CHD9: variants seen among roughly 807,000 people sequenced by gnomAD.
CHD9 encodes chromodomain helicase DNA binding protein 9.
CHD9 carries 77 observed loss-of-function variants against 316.1 expected under a neutral mutation model. That is an observed-to-expected ratio of 0.24 (90% CI 0.20 to 0.29). The LOEUF (loss-of-function observed/expected upper bound fraction) is 0.29, where lower values mean the gene tolerates loss of function less well. Among genes scored for constraint, CHD9 ranks in the 10% least tolerant of loss-of-function variants. The pLI is 1.00. For synonymous variants in CHD9, 1,129 were observed against 1,158.3 expected (o/e 0.97, Z 0.51); for missense variants, 2,763 against 3,438.1 (o/e 0.80, Z 4.91).
At chr16:53,147,210 A>G (rs2040705380) in intron 1 of CHD9, among the ~76,000 whole-genome samples, 1 of 152,176 alleles carries the variant, frequency 6.6e-6, no homozygotes, top group South Asian at 2.1e-4. Context: ...GACATTTTAG[A>G]AAGGGCAATC....
At chr16:53,314,615 T>C (rs1006941058) in intron 35 of CHD9, 99 bp downstream of exon 35, 1 of 1,077,706 alleles carries the variant, frequency 9.3e-7, no homozygotes, top group African/African-American at 1.6e-5. Context: ...AGACTATTAG[T>C]AAGGAAATTA....
chr16:53,314,588 T>C, intron 35 of CHD9, 72 bp downstream of exon 35: 1 of 1,263,508 alleles, frequency 7.9e-7, no homozygotes. Context: ...CATATTATTG[T>C]TTTGTGAATG....
In CHD9 at chr16:53,105,994, T is replaced by C. The variant is rs541930615; in HGVS notation, c.-164-49932T>C. Among the ~76,000 whole-genome samples the C allele has an allele frequency of 5.3e-4, 80 of 152,210 alleles. 2 individuals are homozygous for C. The highest frequency in any genetic ancestry group is 4.8e-3 in the Admixed American group (73 of 15,276). On this transcript the variant is annotated intron_variant, in intron 1 of 38. Coordinates refer to ENST00000447540, the MANE Select transcript of CHD9 (RefSeq NM_001308319.2). ...CCTGCCACTATGCCTGGCTAATTTT[T>C]TGTATCTTTAGTAGAGATGGGGTTT...
rs993799899 is a variant in CHD9, at chr16:53,314,034, TA to T, written c.7223-336del. On this transcript the variant is annotated intron_variant, in intron 34 of 38. Transcript: ENST00000447540. The stretch of plus-strand genomic sequence containing the variant: ...AAAAGCAGAGATAAATGATTTTTTT[TA>T]AAAAAACAAGCTTTTGAAAGTATAG... Among the ~76,000 whole-genome samples, 11 of 152,068 alleles carry T rather than the reference TA, an allele frequency of 7.2e-5. No homozygotes were observed. In the South Asian group the frequency reaches 1.2e-3, roughly 17 times the overall value.
At position 53,255,533 on chromosome 16, in the gene CHD9, T is replaced by C. The variant is rs2050516510; in HGVS notation, c.4030-67T>C. The C allele has an allele frequency of 7.0e-6, 10 of 1,428,302 alleles. No individual in the cohort carries two copies. In the Admixed American group the frequency reaches 7.9e-5, roughly 11 times the overall value. 88.5% of individuals were successfully genotyped at this position (1,428,302 alleles called of 1,614,324 possible). A position where few individuals can be genotyped will look rare whatever the true frequency, so the allele number is the denominator to read the frequency against. ...GCCTCTTGTGTTCTTTGACATCCTTTAGGGATACTTTCTCACTTTATGAAC... is the reference window on the plus strand; with the variant it reads ...GCCTCTTGTGTTCTTTGACATCCTTCAGGGATACTTTCTCACTTTATGAAC... On this transcript the variant is annotated intron_variant, in intron 18 of 38. Coordinates refer to ENST00000447540, the MANE Select transcript of CHD9 (RefSeq NM_001308319.2).
chr16:53,250,678 C>T (rs1045039959), intron 17 of CHD9: 12 of 151,632 alleles, frequency 7.9e-5, no homozygotes, highest in African/African-American at 2.7e-4. Flanking sequence ...TATACTTGGA[C>T]TACATAGAAA....
chr16:53,158,493 T>G (rs1285975319), intron 2 of CHD9, among the ~76,000 whole-genome samples: 1 of 152,214 alleles, frequency 6.6e-6, no homozygotes, highest in Non-Finnish European at 1.5e-5. Context: ...AGTAGTTGGG[T>G]GACTTTGACT....
rs1263807059 is a variant in CHD9 at position 53,324,756 on chromosome 16, A to G, written c.8555A>G (p.Gln2852Arg). 1 of 1,613,430 alleles carries G rather than the reference A, an allele frequency of 6.2e-7. No individual in the cohort carries two copies. Among genetic ancestry groups the G allele is most frequent in the East Asian group, 2.2e-5 (1 of 44,852 alleles). ...VKEEDSRIKDQEDKGGTEPSP... is the reference protein window; with the variant it reads ...VKEEDSRIKDREDKGGTEPSP... ...GAAGAAGATTCCAGAATTAAAGATC[A>G]GGAAGACAAAGGAGGAACTGAACCA... The change falls in exon 39 of 39, where the codon CAG becomes CGG. Residue 2852 changes from glutamine to arginine, a missense_variant. Physicochemically the swap from Gln to Arg is conservative, Grantham distance 43 (BLOSUM62 1). This residue lies in a region of CHD9 where 298 missense variants were observed against 380.2 expected (regional missense o/e 0.78). Coordinates refer to ENST00000447540, the MANE Select transcript of CHD9 (RefSeq NM_001308319.2).
chr16:53,144,557 C>G (rs1484604197), intron 1 of CHD9, among the ~76,000 whole-genome samples: 1 of 148,662 alleles, frequency 6.7e-6, no homozygotes, highest in Non-Finnish European at 1.5e-5. Context: ...GAGATGGAGT[C>G]TGGCTCTGTT....
intron 1 of CHD9, among the ~76,000 whole-genome samples, chr16:53,062,836 G>T (rs1192049900): frequency 6.6e-6 from 1 of 152,120 alleles, no homozygotes; most frequent in African/African-American, 2.4e-5. Context: ...ATTGAAACCA[G>T]CCTGACCAAC....
At chr16:53,256,358 C>CCTTTATAT (rs2050589831) in intron 19 of CHD9, among the ~76,000 whole-genome samples, 1 of 148,330 alleles carries the variant, frequency 6.7e-6, no homozygotes, top group African/African-American at 2.5e-5. Context: ...TTACTAATTG[C>CCTTTATAT]CTTTATATTC....
intron 2 of CHD9, among the ~76,000 whole-genome samples, chr16:53,182,551 G>A (rs979068274): frequency 3.9e-5 from 6 of 151,990 alleles, no homozygotes; most frequent in Admixed American, 1.3e-4. Context: ...TCTTGATCTG[G>A]GTCATTTGAT....
chr16:53,253,517 A>T (rs2050303252), intron 17 of CHD9, among the ~76,000 whole-genome samples: 1 of 152,184 alleles, frequency 6.6e-6, no homozygotes, highest in Non-Finnish European at 1.5e-5. Context: ...TGATGGTTGC[A>T]CCAAAATCTC....
At position 53,285,600 on chromosome 16, in the gene CHD9, A is replaced by T; in HGVS notation, c.4972A>T (p.Ile1658Phe). Reference sequence around the variant, plus strand: ...CATATTATGATTTTTTTAAAGTGACATTGATGTTTGGGTACCAGAACCAGA... The same window carrying T: ...CATATTATGATTTTTTTAAAGTGACTTTGATGTTTGGGTACCAGAACCAGA... ...KVFDGVDASDIDVWVPEPDHS... is the reference protein window; with the variant it reads ...KVFDGVDASDFDVWVPEPDHS... The change falls in exon 25 of 39, where the codon ATT becomes TTT. Residue 1658 changes from isoleucine to phenylalanine, a missense_variant. This residue lies in a region of CHD9 where 40 missense variants were observed against 39.5 expected (regional missense o/e 1.01). Transcript: ENST00000447540. 1 of 1,592,584 alleles carries T rather than the reference A, an allele frequency of 6.3e-7. No homozygotes were observed. Among genetic ancestry groups the T allele is most frequent in the Non-Finnish European group, 8.6e-7 (1 of 1,167,636 alleles).
Position 53,222,711 on chromosome 16 carries a change from G to A in CHD9, c.1852G>A (p.Ala618Thr). 2 of 1,580,226 alleles carry A rather than the reference G, an allele frequency of 1.3e-6. No individual in the cohort carries two copies. The highest frequency in any genetic ancestry group is 1.7e-6 in the Non-Finnish European group (2 of 1,158,594). ...KNESSDEISD[A>T]EQMPQHTLKD... ...TGAGTCTTCAGATGAAATATCTGATGCAGAACAGATGCCACAGCATACATT... is the reference window on the plus strand; with the variant it reads ...TGAGTCTTCAGATGAAATATCTGATACAGAACAGATGCCACAGCATACATT... The change falls in exon 4 of 39, where the codon GCA (alanine) becomes ACA (threonine). Residue 618 changes from alanine to threonine, a missense_variant. Ala to Thr is a moderately conservative substitution (Grantham distance 58, BLOSUM62 0). Transcript: ENST00000447540.
chr16:53,163,342 C>G (rs1259283717), intron 2 of CHD9, among the ~76,000 whole-genome samples: 1 of 152,180 alleles, frequency 6.6e-6, no homozygotes, highest in African/African-American at 2.4e-5. Context: ...TCCCAAATAG[C>G]TGGGATTACA....
At position 53,247,394 on chromosome 16, in the gene CHD9, C is replaced by T; in HGVS notation, c.3556C>T (p.Leu1186Phe). 1.2e-6 allele frequency: 2 copies of T among 1,608,598 alleles called. No individual in the cohort carries two copies. Among genetic ancestry groups the T allele is most frequent in the African/African-American group, 1.3e-5 (1 of 75,026 alleles). The change falls in exon 16 of 39, where the codon CTT becomes TTT. Residue 1186 changes from leucine to phenylalanine, a missense_variant. Around this residue, in one of 15 missense-constraint regions of CHD9, gnomAD observed 155 missense variants for 291.8 expected, o/e 0.53. Coordinates refer to ENST00000447540, the MANE Select transcript of CHD9 (RefSeq NM_001308319.2). Reference sequence around the variant, plus strand: ...GATCCAGTCTGCTGGTAAATTGGTCCTTATTGATAAATTGCTTCCCAAAAT... The same window carrying T: ...GATCCAGTCTGCTGGTAAATTGGTCTTTATTGATAAATTGCTTCCCAAAAT... ...AMIQSAGKLVLIDKLLPKMKA... is the reference protein window; with the variant it reads ...AMIQSAGKLVFIDKLLPKMKA...
In CHD9 at chr16:53,157,494, AATC is replaced by A. The variant is rs952032134; in HGVS notation, c.1410_1412del (p.His470del). On this transcript the variant is annotated inframe_deletion, in exon 2 of 39. Transcript: ENST00000447540. ...TCGGAGTTGGCATTCATCATTTTCT[AATC>A]ATCAGCATTTACATGACAGAAATCA... 24 of 1,613,842 alleles carry A rather than the reference AATC, an allele frequency of 1.5e-5. No individual in the cohort carries two copies. The highest frequency in any genetic ancestry group is 5.0e-5 in the Admixed American group (3 of 60,004).
At chr16:53,137,061 C>T (rs970213119) in intron 1 of CHD9, among the ~76,000 whole-genome samples, 1 of 151,988 alleles carries the variant, frequency 6.6e-6, no homozygotes, top group African/African-American at 2.4e-5. Context: ...GCAACCTCCA[C>T]TTCCCAGGTT....
Sources: gnomAD v4.1 joint callset for allele counts (sites outside exome capture counted in the v4.1 genomes callset) on GRCh38, gnomAD v4.1.1 for gene constraint, gnomAD v4.1.1 regional missense constraint, MANE v1.5 for transcripts, NCBI Gene and HGNC (gene_info 2026-07-23, HGNC 2026-07-21) for gene names.